Variants in RIDA observed in about 807,000 individuals in gnomAD.
The protein encoded by RIDA is reactive intermediate imine deaminase A.
RIDA carries 17 observed loss-of-function variants against 17.8 expected under a neutral mutation model. That is an observed-to-expected ratio of 0.96 (90% CI 0.65 to 1.43). The LOEUF (loss-of-function observed/expected upper bound fraction) is 1.43, where lower values mean the gene tolerates loss of function less well. RIDA is among the 40% of genes most tolerant of loss of function. The probability of loss-of-function intolerance (pLI) is 0.00; values close to 1 mark genes in which losing one functional copy is unlikely to be tolerated. For missense variants in RIDA, 158 were observed against 161.7 expected (o/e 0.98, Z 0.12); for synonymous variants, 48 against 55.7 (o/e 0.86, Z 0.62).
chr8:98,117,074 A>T lies in RIDA; in HGVS notation c.23T>A (p.Val8Glu), dbSNP rs781498228. 6 of 1,614,018 alleles carry T rather than the reference A, an allele frequency of 3.7e-6. No homozygotes were observed. The highest frequency in any genetic ancestry group is 4.2e-6 in the Non-Finnish European group (5 of 1,179,936). The change falls in exon 1 of 6, where the codon GTG (valine) becomes GAG (glutamate). Residue 8 changes from valine (V) to glutamate (E), a missense_variant. Val to Glu is a moderately radical substitution (Grantham distance 121). Coordinates refer to ENST00000254878, the MANE Select transcript of RIDA (RefSeq NM_005836.3). MSSLIRRVISTAKAPGAI... is the reference protein window; with the variant it reads MSSLIRREISTAKAPGAI... Reference sequence around the variant, plus strand: ...CCCTGGGGCTTTCGCGGTGCTGATCACCCTTCTGATCAAGGACGACATGGC... The same window carrying T: ...CCCTGGGGCTTTCGCGGTGCTGATCTCCCTTCTGATCAAGGACGACATGGC...
At position 98,108,733 on chromosome 8, in the gene RIDA, G is replaced by C. The variant is rs746432731; in HGVS notation, c.84C>G (p.Asp28Glu). Residue 28 changes from aspartate to glutamate, a missense_variant, in exon 2 of 6, where the codon GAC becomes GAG. Coordinates refer to ENST00000254878, the MANE Select transcript of RIDA (RefSeq NM_005836.3). ...TCTGTCCTGAAATGTAAATGGTCCT[G>C]TCGACTAATACAGCTTGACTGCAAT... is the stretch of plus-strand genomic sequence containing the variant. ...IGPYSQAVLV[D>E]RTIYISGQIG... 6.2e-7 allele frequency: 1 copy of C among 1,611,058 alleles called. No individual in the cohort carries two copies. Among genetic ancestry groups the C allele is most frequent in the South Asian group, 1.1e-5 (1 of 91,028 alleles).
At chr8:98,113,901 C>G (rs1157716904) in intron 1 of RIDA, 1 of 152,184 alleles carries the variant, frequency 6.6e-6, no homozygotes, top group East Asian at 1.9e-4. Flanking sequence ...TATCCCCTAA[C>G]TATTCTCACT....
intron 1 of RIDA, among the ~76,000 whole-genome samples, chr8:98,114,660 T>C (rs1815777111): frequency 6.6e-6 from 1 of 152,158 alleles, no homozygotes; most frequent in African/African-American, 2.4e-5. Flanking sequence ...TGGTCACTTT[T>C]ATTTAATTCC....
At chr8:98,106,385 A>C (rs1378475175) in intron 2 of RIDA, 59 bp from the exon 3 acceptor site, 1 of 1,409,746 alleles carries the variant, frequency 7.1e-7, no homozygotes. Flanking sequence ...GCTTTAATTA[A>C]ATTCAATTAA....
intron 5 of RIDA, among the ~76,000 whole-genome samples, chr8:98,103,638 A>T (rs572442091): frequency 6.6e-6 from 1 of 151,050 alleles, no homozygotes; most frequent in South Asian, 2.1e-4. Flanking sequence ...ATTTTTTCTC[A>T]CAATTTTTTT....
intron 1 of RIDA, 44 bp downstream of exon 1, chr8:98,116,987 AC>A: frequency 6.5e-7 from 1 of 1,537,372 alleles, no homozygotes; most frequent in Non-Finnish European, 9.0e-7. Context: ...GAATCCCCGA[AC>A]CCGCACGCCC....
chr8:98,117,136 G>A lies in RIDA; in HGVS notation c.-40C>T, dbSNP rs748482703. On this transcript the variant is annotated 5_prime_UTR_variant, in exon 1 of 6. Coordinates refer to ENST00000254878, the MANE Select transcript of RIDA (RefSeq NM_005836.3). ...TCTTGCAGCCCCTTCAGGAGAAGAA[G>A]CCCCAGCACCAGCCCTGCTGGCTTC... 2.5e-6 allele frequency: 4 copies of A among 1,588,654 alleles called. No individual in the cohort carries two copies. Among genetic ancestry groups the A allele is most frequent in the African/African-American group, 2.7e-5 (2 of 74,480 alleles).
chr8:98,117,152 T>C lies in RIDA; in HGVS notation c.-56A>G, dbSNP rs771101068. 3 of 1,533,376 alleles carry C rather than the reference T, an allele frequency of 2.0e-6. No individual in the cohort carries two copies. The highest frequency in any genetic ancestry group is 2.7e-6 in the Non-Finnish European group (3 of 1,106,392). 95.0% of individuals were successfully genotyped at this position (1,533,376 alleles called of 1,614,324 possible). ...GGAGAAGAAGCCCCAGCACCAGCCC[T>C]GCTGGCTTCTTACTGGACTGACCAA... On this transcript the variant is annotated 5_prime_UTR_variant, in exon 1 of 6. Coordinates refer to ENST00000254878, the MANE Select transcript of RIDA (RefSeq NM_005836.3).
chr8:98,104,449 A>G (rs770508924), intron 5 of RIDA, 40 bp downstream of exon 5: 5 of 1,237,942 alleles, frequency 4.0e-6, no homozygotes, highest in Non-Finnish European at 5.9e-6. Flanking sequence ...CAATGTAGAA[A>G]CTGAAAACTG....
chr8:98,106,343 G>A lies in RIDA; in HGVS notation c.172-17C>T. On this transcript the variant is annotated splice_polypyrimidine_tract_variant and intron_variant, in intron 2 of 5. Coordinates refer to ENST00000254878, the MANE Select transcript of RIDA (RefSeq NM_005836.3). ...TTTAAGAGCCTGTGAACCAAGCCAA[G>A]AAAGGCCTAAGTCACTGATGTTAGA... 2 of 1,609,670 alleles carry A rather than the reference G, an allele frequency of 1.2e-6. No homozygotes were observed. The highest frequency in any genetic ancestry group is 1.7e-6 in the Non-Finnish European group (2 of 1,176,304).
chr8:98,117,010 C>CA (rs1815849188), intron 1 of RIDA, 22 bp downstream of exon 1: 2 of 1,607,754 alleles, frequency 1.2e-6, no homozygotes, highest in Non-Finnish European at 1.7e-6. Flanking sequence ...GGGTCCGACA[C>CA]AGCTTCCACC....
Position 98,102,787 on chromosome 8 carries a change from T to A in RIDA, c.*55A>T. ...TTAAAAGGTTAATTAAGATGTTACA[T>A]CAATTGTAAAAATTAAAATGTTAAC... is the stretch of plus-strand genomic sequence containing the variant. On this transcript the variant is annotated 3_prime_UTR_variant, in exon 6 of 6. Coordinates refer to ENST00000254878, the MANE Select transcript of RIDA (RefSeq NM_005836.3). 1 of 1,180,114 alleles carries A rather than the reference T, an allele frequency of 8.5e-7. No homozygotes were observed. Among genetic ancestry groups the A allele is most frequent in the South Asian group, 1.5e-5 (1 of 66,178 alleles). 73.1% of individuals were successfully genotyped at this position (1,180,114 alleles called of 1,614,324 possible).
intron 2 of RIDA, 84 bp downstream of exon 2, chr8:98,108,561 AC>A (rs1815666555): frequency 2.3e-6 from 2 of 854,468 alleles, no homozygotes; most frequent in South Asian, 2.7e-5. Flanking sequence ...TCTCTATAAA[AC>A]AAATCAGGCA....
At chr8:98,109,050 C>A (rs1289310091) in intron 1 of RIDA, among the ~76,000 whole-genome samples, 2 of 151,890 alleles carry the variant, frequency 1.3e-5, no homozygotes, top group Non-Finnish European at 2.9e-5. Flanking sequence ...AAAAAACAGC[C>A]AAGTATGGTG....
intron 1 of RIDA, among the ~76,000 whole-genome samples, chr8:98,112,601 CAGAAAGTCT>C (rs1815743743): frequency 6.6e-6 from 1 of 152,216 alleles, no homozygotes; most frequent in African/African-American, 2.4e-5. Flanking sequence ...TAACATGATT[CAGAAAGTCT>C]AGAAAGTCTT....
intron 1 of RIDA, 164 bp from the exon 2 acceptor site, chr8:98,108,915 T>C (rs1815674682): frequency 3.6e-6 from 2 of 548,500 alleles, no homozygotes; most frequent in Non-Finnish European, 3.2e-6. Flanking sequence ...AAGATATCTT[T>C]AAGAAAATGA....
intron 1 of RIDA, among the ~76,000 whole-genome samples, chr8:98,114,790 A>G (rs976220669): frequency 2.6e-5 from 4 of 152,218 alleles, no homozygotes; most frequent in African/African-American, 9.6e-5. Context: ...CAAAAATTCA[A>G]ATCCAAAGTC....
At chr8:98,115,642 C>T (rs1036363555) in intron 1 of RIDA, among the ~76,000 whole-genome samples, 3 of 151,748 alleles carry the variant, frequency 2.0e-5, no homozygotes, top group South Asian at 2.1e-4. Flanking sequence ...CCTCTTACCT[C>T]GGCCTCCCAC....
Position 98,106,192 on chromosome 8 carries a change from A to G in RIDA, c.226+80T>C, listed in dbSNP as rs983269581. The G allele has an allele frequency of 5.2e-6, 7 of 1,340,460 alleles. No individual in the cohort carries two copies. In the Admixed American group the frequency reaches 8.8e-5, roughly 17 times the overall value. 83.0% of individuals were successfully genotyped at this position (1,340,460 alleles called of 1,614,324 possible). A position where few individuals can be genotyped will look rare whatever the true frequency, so the allele number is the denominator to read the frequency against. Reference sequence around the variant, plus strand: ...AATAGCAACAAAGATATGGCACGGCATCTTACTGGATGCCATATATTTTTC... The same window carrying G: ...AATAGCAACAAAGATATGGCACGGCGTCTTACTGGATGCCATATATTTTTC... On this transcript the variant is annotated intron_variant, in intron 3 of 5. Coordinates refer to ENST00000254878, the MANE Select transcript of RIDA (RefSeq NM_005836.3).
Sources: allele counts gnomAD v4.1 joint callset (sites outside exome capture counted in the v4.1 genomes callset), GRCh38; gene constraint gnomAD v4.1.1; transcripts MANE v1.5; gene names NCBI Gene and HGNC (gene_info 2026-07-23, HGNC 2026-07-21).